The following ARK2N variants were observed in gnomAD, a reference collection of about 807,000 sequenced individuals.
ARK2N encodes protein ARK2N.
At chr18:46,196,074 G>T in the ARK2N span, among the ~76,000 whole-genome samples, 2 of 151,682 alleles carry the variant, frequency 1.3e-5, no homozygotes, top group Non-Finnish European at 2.9e-5. Context: ...TCTGCCTCCC[G>T]GGTTCAAGCG....
the ARK2N span, among the ~76,000 whole-genome samples, chr18:46,187,734 A>G: frequency 6.6e-6 from 1 of 152,218 alleles, no homozygotes; most frequent in Non-Finnish European, 1.5e-5. Flanking sequence ...AGTTTCATTC[A>G]TATGAGAAGT....
At chr18:46,196,426 T>C in the ARK2N span, among the ~76,000 whole-genome samples, 5 of 151,668 alleles carry the variant, frequency 3.3e-5, no homozygotes, top group Admixed American at 3.3e-4. Context: ...CACGCCCTGC[T>C]AATTTTTTGC....
chr18:46,197,178 G>A, the ARK2N span, among the ~76,000 whole-genome samples: 1 of 152,070 alleles, frequency 6.6e-6, no homozygotes, highest in African/African-American at 2.4e-5. Context: ...GTGTTTTGTG[G>A]CCATGAGTTA....
At chr18:46,216,730 T>A in the ARK2N span, 3 of 787,978 alleles carry the variant, frequency 3.8e-6, no homozygotes, top group Non-Finnish European at 5.9e-6. This position sits in a 1 kb window ranked among gnomAD's most constrained non-coding sequence, Gnocchi z 4.3. Flanking sequence ...TGCAGTCTAT[T>A]AACAAGACAT....
the ARK2N span, chr18:46,264,190 G>A: frequency 6.5e-6 from 1 of 152,692 alleles, no homozygotes; most frequent in East Asian, 1.9e-4. Context: ...CAGATGCAAA[G>A]CACGTTAATG....
the ARK2N span, among the ~76,000 whole-genome samples, chr18:46,205,571 C>G: frequency 6.6e-6 from 1 of 152,170 alleles, no homozygotes; most frequent in African/African-American, 2.4e-5. Flanking sequence ...TGGTTCACAT[C>G]TTTTGAACTT....
At chr18:46,250,014 C>T in the ARK2N span, among the ~76,000 whole-genome samples, 1 of 151,932 alleles carries the variant, frequency 6.6e-6, no homozygotes, top group African/African-American at 2.4e-5. Context: ...CACCCCATCT[C>T]TTAATTATTT....
the ARK2N span, among the ~76,000 whole-genome samples, chr18:46,197,951 T>C: frequency 1.3e-5 from 2 of 152,182 alleles, no homozygotes; most frequent in Non-Finnish European, 2.9e-5. Context: ...GTTTTCTTTT[T>C]AGCTGTGTGT....
chr18:46,180,553 A>G, the ARK2N span, among the ~76,000 whole-genome samples: 1 of 152,222 alleles, frequency 6.6e-6, no homozygotes, highest in African/African-American at 2.4e-5. Context: ...CTAAAAATAC[A>G]AAATTAGTTG....
At chr18:46,183,561 C>G in the ARK2N span, among the ~76,000 whole-genome samples, 1 of 152,170 alleles carries the variant, frequency 6.6e-6, no homozygotes, top group African/African-American at 2.4e-5. Flanking sequence ...GGGGCATCCT[C>G]TCTCATCAGT....
At chr18:46,248,886 A>G in the ARK2N span, among the ~76,000 whole-genome samples, 3 of 151,870 alleles carry the variant, frequency 2.0e-5, no homozygotes, top group African/African-American at 4.8e-5. Flanking sequence ...CCTGGCCTCT[A>G]TACTCTTACG....
chr18:46,207,731 A>G, the ARK2N span, among the ~76,000 whole-genome samples: 3 of 152,098 alleles, frequency 2.0e-5, no homozygotes, highest in Non-Finnish European at 4.4e-5. Flanking sequence ...TTTACAGACA[A>G]CACTTTCAGT....
the ARK2N span, among the ~76,000 whole-genome samples, chr18:46,197,202 A>G: frequency 6.6e-6 from 1 of 152,112 alleles, no homozygotes; most frequent in Admixed American, 6.6e-5. Context: ...ACATTTTTCC[A>G]CATGCCAGAT....
chr18:46,246,856 G>A, the ARK2N span, among the ~76,000 whole-genome samples: 1 of 151,328 alleles, frequency 6.6e-6, no homozygotes, highest in Non-Finnish European at 1.5e-5. Context: ...TGGGAGAATC[G>A]CTTGAACCCG....
At chr18:46,242,666 A>G in the ARK2N span, among the ~76,000 whole-genome samples, 1 of 152,176 alleles carries the variant, frequency 6.6e-6, no homozygotes, top group Non-Finnish European at 1.5e-5. Context: ...TACATTTGTT[A>G]TATATCTAAA....
chr18:46,179,750 C>T, the ARK2N span, among the ~76,000 whole-genome samples: 1 of 152,046 alleles, frequency 6.6e-6, no homozygotes, highest in African/African-American at 2.4e-5. Flanking sequence ...CTCAGCCTCC[C>T]GAGTAGCTGG....
chr18:46,227,974 CCAAG>C, the ARK2N span, among the ~76,000 whole-genome samples: 74 of 152,132 alleles, frequency 4.9e-4, no homozygotes, highest in African/African-American at 1.7e-3. Context: ...GGTTTGAACA[CCAAG>C]CAACTTACAA....
chr18:46,196,911 G>C, the ARK2N span, among the ~76,000 whole-genome samples: 1 of 152,168 alleles, frequency 6.6e-6, no homozygotes, highest in East Asian at 1.9e-4. Context: ...GTGCCCTCAT[G>C]GAATGGTGGC....
chr18:46,253,546 C>T, the ARK2N span: 3 of 889,988 alleles, frequency 3.4e-6, no homozygotes, highest in Admixed American at 2.7e-5. Flanking sequence ...ACTGCCCCAG[C>T]TTATTTGACA....
Sources: allele counts gnomAD v4.1 joint callset (sites outside exome capture counted in the v4.1 genomes callset), GRCh38; gene constraint gnomAD v4.1.1; non-coding constraint Gnocchi (gnomAD v3.1); transcripts MANE v1.5; gene names NCBI Gene and HGNC (gene_info 2026-07-23, HGNC 2026-07-21).